ACTN4: variants seen among roughly 807,000 people sequenced by gnomAD.
ACTN4 encodes the protein actinin alpha 4.
Under a neutral mutation model 114.2 loss-of-function variants are expected in ACTN4, and 18 were observed. The observed-to-expected ratio is 0.16, with a 90% confidence interval of 0.11 to 0.23. The LOEUF (loss-of-function observed/expected upper bound fraction) is 0.23. Ranked by LOEUF, ACTN4 falls within the 10% of genes least tolerant of loss-of-function variation. The pLI is 1.00. For missense variants in ACTN4, 722 were observed against 1,262.9 expected (o/e 0.57, Z 6.49); for synonymous variants, 515 against 506.3 (o/e 1.02, Z -0.23).
At chr19:38,674,440 T>C (rs1021781214) in intron 1 of ACTN4, among the ~76,000 whole-genome samples, 11 of 152,180 alleles carry the variant, frequency 7.2e-5, no homozygotes, top group African/African-American at 2.7e-4. Context: ...CTGTTTTAGG[T>C]ACTGGGTGTA....
At chr19:38,712,521 C>T (rs1968690096) in intron 8 of ACTN4, among the ~76,000 whole-genome samples, 1 of 152,164 alleles carries the variant, frequency 6.6e-6, no homozygotes, top group African/African-American at 2.4e-5. Flanking sequence ...CAGGGAGCCA[C>T]AGTGGTGGGG....
chr19:38,652,547 C>T (rs1275638144), intron 1 of ACTN4, among the ~76,000 whole-genome samples: 2 of 152,272 alleles, frequency 1.3e-5, no homozygotes, highest in East Asian at 3.9e-4. Context: ...TTGAAACACC[C>T]TCCCTGGTTC....
At chr19:38,680,585 A>G (rs1967533394) in intron 1 of ACTN4, among the ~76,000 whole-genome samples, 1 of 152,096 alleles carries the variant, frequency 6.6e-6, no homozygotes, top group African/African-American at 2.4e-5. Flanking sequence ...CTGCTTGTGC[A>G]GTACGTACTT....
Position 38,663,439 on chromosome 19 carries a change from A to G in ACTN4, c.162+15532A>G, listed in dbSNP as rs73552672. On this transcript the variant is annotated intron_variant, in intron 1 of 20. Coordinates refer to ENST00000252699, the MANE Select transcript of ACTN4 (RefSeq NM_004924.6). ...GTAGCTGGGGAGAGAGCAAGGCCAC[A>G]TGAGACCTCAGAAGGACACTAAACG... 3.7e-3 allele frequency among the ~76,000 whole-genome samples: 571 copies of G among 152,268 alleles called. 1 individual carries two copies. The highest frequency in any genetic ancestry group is 0.013 in the African/African-American group (557 of 41,552).
rs768645395 is a variant in ACTN4, at chr19:38,700,739, G to A, written c.277+25G>A. 53 of 1,596,138 alleles carry A rather than the reference G, an allele frequency of 3.3e-5. 1 individual carries two copies. The highest frequency in any genetic ancestry group is 2.0e-4 in the East Asian group (9 of 44,798). ...GGTGAGACTCCCAGCCACGCAGTGC[G>A]GCCGAGCCCTGGCACAGGTGCTCTG... On this transcript the variant is annotated intron_variant, in intron 2 of 20. Coordinates refer to ENST00000252699, the MANE Select transcript of ACTN4 (RefSeq NM_004924.6).
At position 38,731,393 on chromosome 19, in the gene ACTN4, G is replaced by A. The variant is rs1053262682; in HGVS notation, c.*1961G>A. 2 of 627,972 alleles carry A rather than the reference G, an allele frequency of 3.2e-6. No individual in the cohort carries two copies. Among genetic ancestry groups the A allele is most frequent in the Admixed American group, 2.4e-5 (1 of 42,036 alleles). 38.9% of individuals were successfully genotyped at this position (627,972 alleles called of 1,614,324 possible). A position where few individuals can be genotyped will look rare whatever the true frequency, so the allele number is the denominator to read the frequency against. On this transcript the variant is annotated 3_prime_UTR_variant, in exon 21 of 21. Coordinates refer to ENST00000252699, the MANE Select transcript of ACTN4 (RefSeq NM_004924.6). ...CTGATCCCTTCAATCCTCTGGGCCT[G>A]TTTCCTCATCCATCAAACGGACTAA...
In ACTN4 at chr19:38,714,874, A is replaced by G. The variant is rs138829034; in HGVS notation, c.912+313A>G. On this transcript the variant is annotated intron_variant, in intron 9 of 20. Coordinates refer to ENST00000252699, the MANE Select transcript of ACTN4 (RefSeq NM_004924.6). ...AGAATCACCTGGGGAGCTTTGTGAA[A>G]GCCCCTCTTCCCGTGCCCTGGCCCT... Among the ~76,000 whole-genome samples, 3 of 152,338 alleles carry G rather than the reference A, an allele frequency of 2.0e-5. No individual in the cohort carries two copies. The East Asian group carries it at 5.8e-4, about 29-fold the overall frequency.
At chr19:38,715,428 C>T (rs1335440467) in intron 9 of ACTN4, among the ~76,000 whole-genome samples, 3 of 152,136 alleles carry the variant, frequency 2.0e-5, no homozygotes, top group Non-Finnish European at 4.4e-5. Context: ...GCCTGGGAGG[C>T]AGAGGTTGCA....
chr19:38,681,129 GAAAAAAAAAAAAAAA>G, intron 1 of ACTN4, among the ~76,000 whole-genome samples: 1 of 69,290 alleles, frequency 1.4e-5, no homozygotes, highest in Non-Finnish European at 2.5e-5. Flanking sequence ...CCAATCTCTA[GAAAAAAAAAAAAAAA>G]AAAAAAAAAG....
rs183017765 is a variant in ACTN4 at position 38,719,756 on chromosome 19, C to T, written c.1291+1682C>T. 2.0e-4 allele frequency among the ~76,000 whole-genome samples: 31 copies of T among 152,376 alleles called. 1 individual carries two copies. Among genetic ancestry groups the T allele is most frequent in the Admixed American group, 1.9e-3 (29 of 15,306 alleles). On this transcript the variant is annotated intron_variant, in intron 11 of 20. Transcript: ENST00000252699. ...GCTGAACCTTCTGGGGGTCTTTCTG[C>T]CCACCCATCAGCTCTTCAGTCCCTC... is the stretch of plus-strand genomic sequence containing the variant.
intron 3 of ACTN4, among the ~76,000 whole-genome samples, 161 bp from the exon 4 acceptor site, chr19:38,704,773 C>G (rs544599097): frequency 1.3e-5 from 2 of 152,342 alleles, no homozygotes; most frequent in East Asian, 3.9e-4. Context: ...CCTGCATTTT[C>G]TCCTGAGGGA....
chr19:38,673,517 T>TCATATATATA (rs1555826155), intron 1 of ACTN4, among the ~76,000 whole-genome samples: 1 of 80,392 alleles, frequency 1.2e-5, no homozygotes, highest in African/African-American at 4.2e-5. Context: ...GAATATATAT[T>TCATATATATA]TATATATATT....
intron 1 of ACTN4, among the ~76,000 whole-genome samples, chr19:38,695,031 C>T (rs955629177): frequency 3.9e-5 from 6 of 152,130 alleles, no homozygotes; most frequent in Admixed American, 3.3e-4. Flanking sequence ...CTCAGTACCA[C>T]GCCTGGCTAA....
intron 1 of ACTN4, among the ~76,000 whole-genome samples, chr19:38,656,766 T>C (rs1033660184): frequency 2.6e-5 from 4 of 152,216 alleles, no homozygotes; most frequent in Non-Finnish European, 5.9e-5. Context: ...GTTTGTTTTA[T>C]GTTTTTTAAA....
At chr19:38,705,252 A>C (rs1343608165) in intron 4 of ACTN4, among the ~76,000 whole-genome samples, 1 of 152,088 alleles carries the variant, frequency 6.6e-6, no homozygotes, top group African/African-American at 2.4e-5. Flanking sequence ...GCCTCATCTC[A>C]GTGGACCCTC....
intron 1 of ACTN4, among the ~76,000 whole-genome samples, chr19:38,669,642 T>C (rs1305484685): frequency 6.6e-6 from 1 of 152,170 alleles, no homozygotes; most frequent in Admixed American, 6.5e-5. Context: ...GCTGCTTGTT[T>C]TAGTAGCTGC....
chr19:38,647,802 C>A lies in ACTN4; in HGVS notation c.57C>A (p.Gly19=). The A allele has an allele frequency of 1.3e-6, 2 of 1,554,288 alleles. No individual in the cohort carries two copies. Among genetic ancestry groups the A allele is most frequent in the South Asian group, 1.2e-5 (1 of 84,404 alleles). Residue 19 remains glycine, a synonymous_variant, in exon 1 of 21, where the codon GGC becomes GGA. Coordinates refer to ENST00000252699, the MANE Select transcript of ACTN4 (RefSeq NM_004924.6). ...QSYQYGPSSA[G]NGAGGGGSMG... The stretch of plus-strand genomic sequence containing the variant: ...ACCAGTACGGCCCCAGCAGCGCGGG[C>A]AATGGCGCTGGCGGCGGGGGCAGCA...
intron 1 of ACTN4, among the ~76,000 whole-genome samples, chr19:38,677,808 C>A (rs1967428011): frequency 6.6e-6 from 1 of 152,142 alleles, no homozygotes; most frequent in Admixed American, 6.6e-5. Flanking sequence ...GTGGGTGCAA[C>A]CCCTACCTCC....
At chr19:38,671,636 CA>C (rs1372955587) in intron 1 of ACTN4, among the ~76,000 whole-genome samples, 1 of 152,160 alleles carries the variant, frequency 6.6e-6, no homozygotes, top group African/African-American at 2.4e-5. Context: ...AGTAGATGTG[CA>C]ATGAATTTGT....
Sources: gnomAD v4.1 joint callset for allele counts (sites outside exome capture counted in the v4.1 genomes callset) on GRCh38, gnomAD v4.1.1 for gene constraint, MANE v1.5 for transcripts, NCBI Gene and HGNC (gene_info 2026-07-23, HGNC 2026-07-21) for gene names.